The following FMNL3 variants were observed in gnomAD, a reference collection of about 807,000 sequenced individuals.
The protein encoded by FMNL3 is formin-like protein 3.
FMNL3 carries 57 observed loss-of-function variants against 119.6 expected under a neutral mutation model. The observed-to-expected ratio is 0.48, with a 90% CI of 0.39 to 0.59. The LOEUF (loss-of-function observed/expected upper bound fraction) is 0.59, where lower values mean the gene tolerates loss of function less well. FMNL3 is among the 20% of genes least tolerant of loss of function. The pLI, the probability that FMNL3 is intolerant of heterozygous loss-of-function variation, is 0.00. For missense variants in FMNL3, 1,053 were observed against 1,323.5 expected (o/e 0.80, Z 3.17); for synonymous variants, 491 against 507.3 (o/e 0.97, Z 0.43).
chr12:49,653,659 T>C, intron 12 of FMNL3, 66 bp downstream of exon 12: 1 of 1,599,424 alleles, frequency 6.3e-7, no homozygotes, highest in African/African-American at 1.3e-5. Context: ...ATGGGTCAGC[T>C]CAGGATTCCT....
At chr12:49,693,058 T>C (rs1019893334) in intron 1 of FMNL3, among the ~76,000 whole-genome samples, 1 of 152,218 alleles carries the variant, frequency 6.6e-6, no homozygotes, top group Non-Finnish European at 1.5e-5. Context: ...TCAGCAGGTG[T>C]CAAATGATGC....
At chr12:49,684,379 C>A (rs1364514869) in intron 1 of FMNL3, among the ~76,000 whole-genome samples, 6 of 152,310 alleles carry the variant, frequency 3.9e-5, no homozygotes, top group African/African-American at 1.4e-4. Context: ...CCAAGACAAT[C>A]AGAAGCAGCT....
intron 5 of FMNL3, 150 bp from the exon 6 acceptor site, chr12:49,658,744 G>C: frequency 2.1e-6 from 2 of 933,144 alleles, no homozygotes; most frequent in East Asian, 5.6e-5. Flanking sequence ...GAACTGGGGA[G>C]CAGAGACCTG....
rs1942752062 is a variant in FMNL3 at position 49,642,136 on chromosome 12, A to G, written c.*3679T>C. The G allele has an allele frequency of 6.3e-7, 1 of 1,598,982 alleles. No individual in the cohort carries two copies. Among genetic ancestry groups the G allele is most frequent in the Non-Finnish European group, 8.5e-7 (1 of 1,170,404 alleles). ...TTCCCAATTCAGGGGATGGTGGTAG[A>G]AGCCCAGACCCTAACTTTCCACCTC... On this transcript the variant is annotated 3_prime_UTR_variant, in exon 26 of 26. Coordinates refer to ENST00000335154, the MANE Select transcript of FMNL3 (RefSeq NM_175736.5). The surrounding 1 kb of genome is among the most constrained non-coding windows in gnomAD (Gnocchi z 5.8).
intron 1 of FMNL3, among the ~76,000 whole-genome samples, chr12:49,682,244 G>A (rs1244003602): frequency 6.6e-6 from 1 of 151,932 alleles, no homozygotes; most frequent in Non-Finnish European, 1.5e-5. Flanking sequence ...CTAAGTTTTT[G>A]TATTTTTAGT....
chr12:49,681,941 A>C (rs1944346249), intron 1 of FMNL3, among the ~76,000 whole-genome samples: 1 of 152,182 alleles, frequency 6.6e-6, no homozygotes, highest in Non-Finnish European at 1.5e-5. Flanking sequence ...AATGAATAAA[A>C]GGGATTTTGC....
chr12:49,661,044 T>C (rs1213641234), intron 5 of FMNL3, among the ~76,000 whole-genome samples: 1 of 152,242 alleles, frequency 6.6e-6, no homozygotes, highest in Non-Finnish European at 1.5e-5. Flanking sequence ...GGGAAAGTTA[T>C]GGGCAAACTG....
intron 1 of FMNL3, among the ~76,000 whole-genome samples, chr12:49,692,034 C>CAAAAAA (rs773991970): frequency 1.2e-3 from 27 of 23,130 alleles, no homozygotes; most frequent in Non-Finnish European, 1.8e-3. Context: ...GACTCCATCT[C>CAAAAAA]AAAAAAAAAA....
At chr12:49,682,352 G>A (rs112536786) in intron 1 of FMNL3, among the ~76,000 whole-genome samples, 16,995 of 151,870 alleles carry the variant, frequency 0.11, 1,101 homozygotes, top group African/African-American at 0.19. Context: ...TTACAGGCGT[G>A]AGCCACCGTG....
At position 49,657,120 on chromosome 12, in the gene FMNL3, C is replaced by T. The variant is rs1284467697; in HGVS notation, c.676G>A (p.Val226Ile). ...ATGGCTCTGAGACAAAGGATACAGA[C>T]GTGGACGTCATCCTTCTGGCTCACT... Reference protein sequence around the residue: ...RLVSQKDDVHVCILCLRAIMN... With the variant: ...RLVSQKDDVHICILCLRAIMN... Residue 226 changes from valine to isoleucine, a missense_variant, in exon 7 of 26, where the codon GTC (valine) becomes ATC (isoleucine). This residue lies in a region of FMNL3 where 445 missense variants were observed against 628.4 expected (regional missense o/e 0.71). Transcript: ENST00000335154. 17 of 1,614,040 alleles carry T rather than the reference C, an allele frequency of 1.1e-5. No individual in the cohort carries two copies. Among genetic ancestry groups the T allele is most frequent in the East Asian group, 4.5e-5 (2 of 44,890 alleles).
At chr12:49,671,143 G>A (rs1944035061) in intron 1 of FMNL3, among the ~76,000 whole-genome samples, 1 of 152,224 alleles carries the variant, frequency 6.6e-6, no homozygotes, top group Non-Finnish European at 1.5e-5. Context: ...CCCACTGTCA[G>A]CAGCTGTGGC....
chr12:49,641,920 T>C lies in FMNL3; in HGVS notation c.*3895A>G. 1 of 1,613,460 alleles carries C rather than the reference T, an allele frequency of 6.2e-7. No individual in the cohort carries two copies. The highest frequency in any genetic ancestry group is 8.5e-7 in the Non-Finnish European group (1 of 1,180,036). The stretch of plus-strand genomic sequence containing the variant: ...GCTGTACCCACAGGACCGGGGCTTC[T>C]GCGTGGAGGTGAACACGGCCTTTGA... On this transcript the variant is annotated 3_prime_UTR_variant, in exon 26 of 26. Transcript: ENST00000335154.
Position 49,688,540 on chromosome 12 carries a change from G to A in FMNL3, c.126+18515C>T, listed in dbSNP as rs757759045. The stretch of plus-strand genomic sequence containing the variant: ...ATGTGCAAAGTTCTTTTCCACCCCA[G>A]GGCTTTGCAAAAGTTGTTCTCTTCC... On this transcript the variant is annotated intron_variant, in intron 1 of 25. Transcript: ENST00000335154. The A allele has an allele frequency of 3.5e-5, 16 of 455,904 alleles. No individual in the cohort carries two copies. In the Middle Eastern group the frequency reaches 2.3e-3, roughly 65 times the overall value. The allele number at this position is 455,904 out of a possible 1,614,324, so 28.2% of individuals were successfully genotyped here.
chr12:49,702,680 A>G (rs1944940864), intron 1 of FMNL3, among the ~76,000 whole-genome samples: 1 of 152,054 alleles, frequency 6.6e-6, no homozygotes, highest in African/African-American at 2.4e-5. Context: ...GGGTCATATC[A>G]GAAGGTCAAG....
chr12:49,663,641 A>G (rs578218975), intron 4 of FMNL3, among the ~76,000 whole-genome samples: 20 of 152,314 alleles, frequency 1.3e-4, no homozygotes, highest in African/African-American at 4.3e-4. Flanking sequence ...CAGGTCCAGG[A>G]CCTCTAACTT....
chr12:49,706,704 C>A (rs933215773), intron 1 of FMNL3, among the ~76,000 whole-genome samples: 7 of 152,124 alleles, frequency 4.6e-5, no homozygotes, highest in Non-Finnish European at 1.0e-4. Flanking sequence ...CGAGAGGCTC[C>A]GGGCTGAGAA....
intron 1 of FMNL3, among the ~76,000 whole-genome samples, chr12:49,676,254 G>C (rs1944182176): frequency 6.6e-6 from 1 of 152,166 alleles, no homozygotes; most frequent in Non-Finnish European, 1.5e-5. Flanking sequence ...CTTGCATTTA[G>C]GTATGGCTAT....
intron 1 of FMNL3, among the ~76,000 whole-genome samples, chr12:49,684,753 C>T (rs920421068): frequency 6.6e-6 from 1 of 152,224 alleles, no homozygotes; most frequent in African/African-American, 2.4e-5. Context: ...CAGATGCCAT[C>T]AGAAAATAAT....
Position 49,644,578 on chromosome 12 carries a change from C to T in FMNL3, c.*1237G>A, listed in dbSNP as rs920773250. ...GTGCCTGCTCCTGCCTGCCCTGGCC[C>T]TGAGGCTCCACCACTTCTTCCTCCA... On this transcript the variant is annotated 3_prime_UTR_variant, in exon 26 of 26. Transcript: ENST00000335154. The T allele has an allele frequency of 4.1e-6, 1 of 243,792 alleles. No homozygotes were observed. The highest frequency in any genetic ancestry group is 6.1e-5 in the South Asian group (1 of 16,414). The allele number at this position is 243,792 out of a possible 1,614,324, so 15.1% of individuals were successfully genotyped here.
Sources: gnomAD v4.1 joint callset for allele counts (sites outside exome capture counted in the v4.1 genomes callset) on GRCh38, gnomAD v4.1.1 for gene constraint, gnomAD v4.1.1 regional missense constraint, Gnocchi (gnomAD v3.1) non-coding constraint, MANE v1.5 for transcripts, NCBI Gene and HGNC (gene_info 2026-07-23, HGNC 2026-07-21) for gene names.